RIGI: variants seen among roughly 807,000 people sequenced by gnomAD.
RIGI encodes the protein antiviral innate immune response receptor RIG-I.
chr9:32,459,348 C>T, the RIGI span: 1 of 1,610,032 alleles, frequency 6.2e-7, no homozygotes, highest in Non-Finnish European at 8.5e-7. Context: ...CATGACCAGG[C>T]ACTTTGTAAA....
the RIGI span, chr9:32,488,604 A>T: frequency 1.9e-5 from 18 of 960,108 alleles, no homozygotes; most frequent in Middle Eastern, 1.4e-3. Context: ...CCATGAAGGG[A>T]TAACATCTGG....
At chr9:32,499,316 GTTTT>G in the RIGI span, among the ~76,000 whole-genome samples, 66 of 57,652 alleles carry the variant, frequency 1.1e-3, no homozygotes, top group African/African-American at 3.6e-3. Flanking sequence ...TTTGTGATTT[GTTTT>G]TTTTTTTTTT....
chr9:32,493,944 T>TG, the RIGI span: 2 of 1,569,830 alleles, frequency 1.3e-6, no homozygotes, highest in Non-Finnish European at 1.7e-6. Context: ...CAGAATAACC[T>TG]GAAAAAAAAG....
the RIGI span, among the ~76,000 whole-genome samples, chr9:32,474,909 G>A: frequency 2.0e-5 from 3 of 151,980 alleles, no homozygotes; most frequent in African/African-American, 7.3e-5. Flanking sequence ...ACTCAATATT[G>A]TCAAGATGTC....
chr9:32,521,070 A>G, the RIGI span, among the ~76,000 whole-genome samples: 3 of 142,746 alleles, frequency 2.1e-5, no homozygotes, highest in East Asian at 6.4e-4. Context: ...GCTTGAACCC[A>G]GGAGGCAGAG....
At chr9:32,526,038 A>C in the RIGI span, 1 of 1,574,744 alleles carries the variant, frequency 6.4e-7, no homozygotes, top group Admixed American at 1.7e-5. Flanking sequence ...TTCCGCCGAG[A>C]AGGCGCCGCT....
At chr9:32,501,009 G>A in the RIGI span, 1 of 1,562,238 alleles carries the variant, frequency 6.4e-7, no homozygotes, top group South Asian at 1.2e-5. Context: ...AACCAGAAAA[G>A]GATCACCAGA....
the RIGI span, among the ~76,000 whole-genome samples, chr9:32,493,395 G>GTC: frequency 1.3e-5 from 2 of 152,188 alleles, no homozygotes; most frequent in South Asian, 4.1e-4. Flanking sequence ...AGAGGCCAAG[G>GTC]CGGGTGGATC....
the RIGI span, among the ~76,000 whole-genome samples, chr9:32,472,779 A>G: frequency 5.9e-5 from 9 of 152,210 alleles, no homozygotes; most frequent in African/African-American, 2.2e-4. Flanking sequence ...CCTCTCATAT[A>G]TATGTATAAT....
chr9:32,457,807 A>G, the RIGI span, among the ~76,000 whole-genome samples: 1 of 152,260 alleles, frequency 6.6e-6, no homozygotes, highest in African/African-American at 2.4e-5. Context: ...ATACAGGGAA[A>G]ACGACCAAGG....
At chr9:32,499,311 G>GTTTTTTTTTTTT in the RIGI span, among the ~76,000 whole-genome samples, 14 of 81,132 alleles carry the variant, frequency 1.7e-4, no homozygotes, top group Non-Finnish European at 2.5e-4. Flanking sequence ...CAGAGTTTGT[G>GTTTTTTTTTTTT]ATTTGTTTTT....
At chr9:32,467,733 T>C in the RIGI span, 1 of 1,539,290 alleles carries the variant, frequency 6.5e-7, no homozygotes, top group Non-Finnish European at 8.8e-7. Context: ...ACAGAATCCA[T>C]GTAGGAATGG....
At chr9:32,494,615 TA>T in the RIGI span, among the ~76,000 whole-genome samples, 484 of 149,944 alleles carry the variant, frequency 3.2e-3, 3 homozygotes, top group South Asian at 0.04. Flanking sequence ...CATTTTGTTA[TA>T]AAAAAAAAAT....
chr9:32,458,443 T>C, the RIGI span, among the ~76,000 whole-genome samples: 1 of 152,200 alleles, frequency 6.6e-6, no homozygotes, highest in African/African-American at 2.4e-5. Context: ...CCCCTAGCCT[T>C]TGTTTTTCTG....
chr9:32,514,288 C>A, the RIGI span, among the ~76,000 whole-genome samples: 4 of 152,234 alleles, frequency 2.6e-5, no homozygotes, highest in East Asian at 7.7e-4. Context: ...ATGTGTCTTG[C>A]GGCATTGTTC....
the RIGI span, among the ~76,000 whole-genome samples, chr9:32,503,748 T>C: frequency 4.2e-4 from 64 of 152,014 alleles, no homozygotes; most frequent in Non-Finnish European, 6.3e-4. Flanking sequence ...CAAAATACTA[T>C]AAAAAATCTG....
the RIGI span, among the ~76,000 whole-genome samples, chr9:32,508,919 G>T: frequency 6.6e-6 from 1 of 152,116 alleles, no homozygotes; most frequent in Non-Finnish European, 1.5e-5. Context: ...GTTGGGGGAG[G>T]GGCATCCACA....
the RIGI span, chr9:32,492,665 T>C: frequency 2.7e-6 from 3 of 1,093,080 alleles, no homozygotes; most frequent in South Asian, 3.1e-5. Flanking sequence ...GCTCAGTGGG[T>C]CATATCCATG....
At chr9:32,456,699 C>A in the RIGI span, 23 of 158,898 alleles carry the variant, frequency 1.4e-4, no homozygotes, top group Middle Eastern at 3.4e-3. Flanking sequence ...GATTTGGCAA[C>A]CAGAGTCACT....
Sources: allele counts gnomAD v4.1 joint callset (sites outside exome capture counted in the v4.1 genomes callset), GRCh38; gene constraint gnomAD v4.1.1; transcripts MANE v1.5; gene names NCBI Gene and HGNC (gene_info 2026-07-23, HGNC 2026-07-21).